The following PCDHGA7 variants were observed in gnomAD, a reference collection of about 807,000 sequenced individuals.
PCDHGA7 encodes protocadherin gamma-A7.
In PCDHGA7, 44 loss-of-function variants were observed where a neutral mutation model predicts 58.3. That is an observed-to-expected ratio of 0.75 (90% CI 0.59 to 0.97). The LOEUF (loss-of-function observed/expected upper bound fraction) is 0.97, where lower values mean the gene tolerates loss of function less well. PCDHGA7 is among the 50% of genes least tolerant of loss of function. The probability of loss-of-function intolerance (pLI) is 0.00; values close to 1 mark genes in which losing one functional copy is unlikely to be tolerated. For synonymous variants in PCDHGA7, 516 were observed against 504.2 expected, an observed-to-expected ratio of 1.02 and a Z score of -0.31; for missense variants, 1,266 against 1,188.7, an observed-to-expected ratio of 1.06 and a Z score of -0.96.
intron 1 of PCDHGA7, chr5:141,400,462 G>C: frequency 1.2e-6 from 2 of 1,614,062 alleles, no homozygotes; most frequent in Non-Finnish European, 1.7e-6. Flanking sequence ...ACTTTGTGGT[G>C]ATTCATCTGG....
chr5:141,485,275 G>T lies in PCDHGA7; in HGVS notation c.2425-9532G>T, dbSNP rs77402299. ...ACGTTTGTGGGCAGATCCGCTACCC[G>T]GTCCCAGAGGAGTCACAGGAAGGGA... is the stretch of plus-strand genomic sequence containing the variant. On this transcript the variant is annotated intron_variant, in intron 1 of 3. Coordinates refer to ENST00000518325, the MANE Select transcript of PCDHGA7 (RefSeq NM_018920.4). The surrounding 1 kb of genome is among the most constrained non-coding windows in gnomAD (Gnocchi z 5.7). 1.1e-5 allele frequency: 18 copies of T among 1,614,072 alleles called. No individual in the cohort carries two copies. The South Asian group carries it at 1.4e-4, about 13-fold the overall frequency.
chr5:141,489,425 G>A lies in PCDHGA7; in HGVS notation c.2425-5382G>A, dbSNP rs779739693. 18 of 1,614,000 alleles carry A rather than the reference G, an allele frequency of 1.1e-5. No homozygotes were observed. Among genetic ancestry groups the A allele is most frequent in the South Asian group, 5.5e-5 (5 of 91,074 alleles). The stretch of plus-strand genomic sequence containing the variant: ...TTAAAGATGACAGATCTGTTGAGCC[G>A]GCGGCTGCAATTGGGCTCTGAGGAG... On this transcript the variant is annotated intron_variant, in intron 1 of 3. Transcript: ENST00000518325. This position sits in a 1 kb window ranked among gnomAD's most constrained non-coding sequence, Gnocchi z 4.5.
At chr5:141,405,470 A>G in intron 1 of PCDHGA7, 1 of 1,108,980 alleles carries the variant, frequency 9.0e-7, no homozygotes, top group Non-Finnish European at 1.3e-6. Flanking sequence ...CCCAGGCTGG[A>G]ATGCAGTGGT....
In PCDHGA7 at chr5:141,385,016, C is replaced by A. The variant is rs536780147; in HGVS notation, c.2117C>A (p.Ala706Asp). The A allele has an allele frequency of 2.5e-6, 4 of 1,614,186 alleles. No homozygotes were observed. Among genetic ancestry groups the A allele is most frequent in the Non-Finnish European group, 3.4e-6 (4 of 1,180,050 alleles). Reference sequence around the variant, plus strand: ...GCCACAGTCTCCTGCGTCTTCCTAGCCTTCGTCCTCGTACTGCTGGCGCTC... The same window carrying A: ...GCCACAGTCTCCTGCGTCTTCCTAGACTTCGTCCTCGTACTGCTGGCGCTC... ...AVATVSCVFL[A>D]FVLVLLALRL... Residue 706 changes from alanine (A) to aspartate (D), a missense_variant, in exon 1 of 4, where the codon GCC becomes GAC. Transcript: ENST00000518325.
At chr5:141,417,068 T>C (rs1433034146) in intron 1 of PCDHGA7, 1 of 152,154 alleles carries the variant, frequency 6.6e-6, no homozygotes, top group African/African-American at 2.4e-5. Context: ...ATTGTAGCTA[T>C]TGTGAGAAAA....
At chr5:141,435,863 C>T (rs772361494) in intron 1 of PCDHGA7, among the ~76,000 whole-genome samples, 16 of 151,882 alleles carry the variant, frequency 1.1e-4, no homozygotes, top group Non-Finnish European at 2.2e-4. Context: ...TAGTTAAAAC[C>T]CAGAAAAGAG....
At chr5:141,413,389 T>G in intron 1 of PCDHGA7, 1 of 1,613,986 alleles carries the variant, frequency 6.2e-7, no homozygotes, top group Non-Finnish European at 8.5e-7. Flanking sequence ...CCGCATAGTC[T>G]CCAGAGGTAG....
At chr5:141,446,132 TA>T (rs1252851903) in intron 1 of PCDHGA7, among the ~76,000 whole-genome samples, 1 of 152,204 alleles carries the variant, frequency 6.6e-6, no homozygotes, top group African/African-American at 2.4e-5. Context: ...CAATAAGACT[TA>T]ATAATGGAAT....
Position 141,385,088 on chromosome 5 carries a change from G to A in PCDHGA7, c.2189G>A (p.Gly730Asp). Reference protein sequence around the residue: ...HKSRLLQASEGGLANVPTSHF... With the variant: ...HKSRLLQASEDGLANVPTSHF... The stretch of plus-strand genomic sequence containing the variant: ...TCACGCCTGCTGCAGGCTTCAGAAG[G>A]TGGCTTGGCGAACGTGCCCACCTCG... Residue 730 changes from glycine to aspartate, a missense_variant, in exon 1 of 4, where the codon GGT (glycine) becomes GAT (aspartate). Physicochemically the swap from Gly to Asp is moderately conservative, Grantham distance 94. Transcript: ENST00000518325. The A allele has an allele frequency of 1.2e-6, 2 of 1,614,226 alleles. No homozygotes were observed. The highest frequency in any genetic ancestry group is 1.7e-6 in the Non-Finnish European group (2 of 1,180,048).
At chr5:141,503,241 A>G (rs1399557839) in intron 2 of PCDHGA7, among the ~76,000 whole-genome samples, 1 of 152,074 alleles carries the variant, frequency 6.6e-6, no homozygotes, top group Non-Finnish European at 1.5e-5. Context: ...GACAGTTTCT[A>G]TCATACTCAC....
chr5:141,426,596 C>T (rs1408090148), intron 1 of PCDHGA7: 9 of 377,102 alleles, frequency 2.4e-5, no homozygotes, highest in Middle Eastern at 3.9e-4. Context: ...GTGTCATACC[C>T]TTAGAGATTG....
At chr5:141,420,275 G>T in intron 1 of PCDHGA7, 1 of 1,524,576 alleles carries the variant, frequency 6.6e-7, no homozygotes, top group Non-Finnish European at 8.9e-7. Flanking sequence ...TCTTAAACAG[G>T]TAAGTATTTA....
intron 1 of PCDHGA7, chr5:141,427,050 G>A (rs974721070): frequency 4.4e-6 from 2 of 457,372 alleles, no homozygotes; most frequent in Non-Finnish European, 4.4e-6. Flanking sequence ...TGTGCCCCCA[G>A]GCACCTCTGT....
rs369141362 is a variant in PCDHGA7 at position 141,404,800 on chromosome 5, C to T, written c.2424+19477C>T. The T allele has an allele frequency of 1.8e-5, 29 of 1,613,852 alleles. No homozygotes were observed. The Admixed American group carries it at 3.3e-4, about 19-fold the overall frequency. On this transcript the variant is annotated intron_variant, in intron 1 of 3. Transcript: ENST00000518325. ...TATTCAAGGCCAGTGAGCCAGGGCT[C>T]TTCTCGGTGGGGCTGCACACAGGTG... is the stretch of plus-strand genomic sequence containing the variant.
chr5:141,476,922 C>T lies in PCDHGA7; in HGVS notation c.2425-17885C>T. 4 of 1,614,120 alleles carry T rather than the reference C, an allele frequency of 2.5e-6. No individual in the cohort carries two copies. Among genetic ancestry groups the T allele is most frequent in the Non-Finnish European group, 2.5e-6 (3 of 1,180,050 alleles). On this transcript the variant is annotated intron_variant, in intron 1 of 3. Transcript: ENST00000518325. The surrounding 1 kb of genome is among the most constrained non-coding windows in gnomAD (Gnocchi z 7.6). ...ACGCGCGTGGTACAAGTCCTTGCAA[C>T]GGATCTGGATGAAGGCCCCAACGGT...
chr5:141,489,089 A>C lies in PCDHGA7; in HGVS notation c.2425-5718A>C. 6 of 284,452 alleles carry C rather than the reference A, an allele frequency of 2.1e-5. No individual in the cohort carries two copies. The highest frequency in any genetic ancestry group is 5.7e-5 in the East Asian group (1 of 17,568). The allele number at this position is 284,452 out of a possible 1,614,324, so 17.6% of individuals were successfully genotyped here. A position where few individuals can be genotyped will look rare whatever the true frequency, so the allele number is the denominator to read the frequency against. Reference sequence around the variant, plus strand: ...CCCTGCCCACCCCCGCCACTCGGTGACTAAGAACTGCTGCAAGCAGGCAAA... The same window carrying C: ...CCCTGCCCACCCCCGCCACTCGGTGCCTAAGAACTGCTGCAAGCAGGCAAA... On this transcript the variant is annotated intron_variant, in intron 1 of 3. Transcript: ENST00000518325. This position sits in a 1 kb window ranked among gnomAD's most constrained non-coding sequence, Gnocchi z 4.5.
At chr5:141,488,198 G>C (rs1007623840) in intron 1 of PCDHGA7, among the ~76,000 whole-genome samples, 1 of 152,166 alleles carries the variant, frequency 6.6e-6, no homozygotes, top group Non-Finnish European at 1.5e-5. Flanking sequence ...CTGGGTCTTA[G>C]GACTCATATC....
In PCDHGA7 at chr5:141,394,544, G is replaced by A. The variant is rs759661980; in HGVS notation, c.2424+9221G>A. 2.5e-6 allele frequency: 4 copies of A among 1,614,054 alleles called. No individual in the cohort carries two copies. In the South Asian group the frequency reaches 3.3e-5, roughly 13 times the overall value. ...CAGACGGTTCCACTGGCGTGGAGCT[G>A]GCGCCCCGCTCCGCAGAGCGTGGCT... On this transcript the variant is annotated intron_variant, in intron 1 of 3. Coordinates refer to ENST00000518325, the MANE Select transcript of PCDHGA7 (RefSeq NM_018920.4).
chr5:141,401,512 A>G (rs556332375), intron 1 of PCDHGA7, among the ~76,000 whole-genome samples: 2 of 152,374 alleles, frequency 1.3e-5, no homozygotes, highest in South Asian at 4.1e-4. Context: ...CCACCTCTAT[A>G]TAATTACCAG....
Sources: allele counts gnomAD v4.1 joint callset (sites outside exome capture counted in the v4.1 genomes callset), GRCh38; gene constraint gnomAD v4.1.1; non-coding constraint Gnocchi (gnomAD v3.1); transcripts MANE v1.5; gene names NCBI Gene and HGNC (gene_info 2026-07-23, HGNC 2026-07-21).